The following LRRC41 variants were observed in gnomAD, a reference collection of about 807,000 sequenced individuals.
LRRC41 encodes leucine-rich repeat-containing protein 41.
A neutral mutation model predicts 72.1 loss-of-function variants in LRRC41; 17 were observed. The observed-to-expected ratio is 0.24, with a 90% CI of 0.16 to 0.35. The LOEUF (loss-of-function observed/expected upper bound fraction) is 0.35, where lower values mean the gene tolerates loss of function less well. Ranked by LOEUF, LRRC41 falls within the 10% of genes least tolerant of loss-of-function variation. The pLI is 1.00. For synonymous variants in LRRC41, 427 were observed against 431.0 expected, an observed-to-expected ratio of 0.99 and a Z score of 0.11; for missense variants, 759 against 1,065.0, an observed-to-expected ratio of 0.71 and a Z score of 4.00.
chr1:46,283,044 A>C (rs905050775), intron 4 of LRRC41, among the ~76,000 whole-genome samples: 1 of 151,980 alleles, frequency 6.6e-6, no homozygotes, highest in South Asian at 2.1e-4. Context: ...AAAAAAAGAT[A>C]CAACTATAGA....
At chr1:46,283,810 C>CAT (rs1347153356) in intron 4 of LRRC41, among the ~76,000 whole-genome samples, 1 of 151,462 alleles carries the variant, frequency 6.6e-6, no homozygotes, top group African/African-American at 2.4e-5. Context: ...GGATTACAGG[C>CAT]GCCCACCATC....
At position 46,302,795 on chromosome 1, in the gene LRRC41, C is replaced by A. The variant is rs1230626104; in HGVS notation, c.199+329G>T. On this transcript the variant is annotated intron_variant, in intron 1 of 9. Transcript: ENST00000617190. This position sits in a 1 kb window ranked among gnomAD's most constrained non-coding sequence, Gnocchi z 4.7. ...ACATCCGAGACTCTCCTGCCCGGCC[C>A]AGCCGAGTGTCAGTTCGCGCGGCCC... The A allele has an allele frequency of 9.1e-6, 9 of 985,224 alleles. No homozygotes were observed. In the African/African-American group the frequency reaches 1.6e-4, roughly 17 times the overall value. The allele number at this position is 985,224 out of a possible 1,614,324, so 61.0% of individuals were successfully genotyped here.
chr1:46,286,092 T>C lies in LRRC41; in HGVS notation c.765A>G (p.Gln255=), dbSNP rs1569643996. 1 of 1,611,758 alleles carries C rather than the reference T, an allele frequency of 6.2e-7. No homozygotes were observed. ...GGCAGGGTGGGCCACCAGGCCCTGG[T>C]TGCCAGAAGCCAGCACTCATGGTGA... ...LILTMSAGFW[Q]PGPGGPPCRL... Residue 255 remains glutamine, a synonymous_variant, in exon 4 of 10, where the codon CAA becomes CAG. Transcript: ENST00000617190. The surrounding 1 kb of genome is among the most constrained non-coding windows in gnomAD (Gnocchi z 5.5).
At chr1:46,298,241 T>G (rs552463724) in intron 2 of LRRC41, 43 bp downstream of exon 2, 3 of 1,349,148 alleles carry the variant, frequency 2.2e-6, no homozygotes, top group East Asian at 2.3e-5. Context: ...TATGGTGCCT[T>G]GCTCATAATC....
Position 46,302,858 on chromosome 1 carries a change from T to C in LRRC41, c.199+266A>G. Reference sequence around the variant, plus strand: ...CAGCCTCAGTCGCCCGGGCCCAGCCTGCTTCGCTCCAGACCGGGCCTCCTG... The same window carrying C: ...CAGCCTCAGTCGCCCGGGCCCAGCCCGCTTCGCTCCAGACCGGGCCTCCTG... On this transcript the variant is annotated intron_variant, in intron 1 of 9. Transcript: ENST00000617190. This position sits in a 1 kb window ranked among gnomAD's most constrained non-coding sequence, Gnocchi z 4.7. 6 of 984,900 alleles carry C rather than the reference T, an allele frequency of 6.1e-6. No individual in the cohort carries two copies. The highest frequency in any genetic ancestry group is 7.2e-6 in the Non-Finnish European group (6 of 829,774). 61.0% of individuals were successfully genotyped at this position (984,900 alleles called of 1,614,324 possible). A position where few individuals can be genotyped will look rare whatever the true frequency, so the allele number is the denominator to read the frequency against.
In LRRC41 at chr1:46,286,548, G is replaced by T; in HGVS notation, c.358-49C>A. 6.6e-7 allele frequency: 1 copy of T among 1,516,100 alleles called. No individual in the cohort carries two copies. Among genetic ancestry groups the T allele is most frequent in the Non-Finnish European group, 8.9e-7 (1 of 1,128,930 alleles). The allele number at this position is 1,516,100 out of a possible 1,614,324, so 93.9% of individuals were successfully genotyped here. On this transcript the variant is annotated intron_variant, in intron 3 of 9. Coordinates refer to ENST00000617190, the MANE Select transcript of LRRC41 (RefSeq NM_006369.5). This position sits in a 1 kb window ranked among gnomAD's most constrained non-coding sequence, Gnocchi z 5.5. ...ACAGCCATGATATATCCATGAAACT[G>T]TCCAAATTTCCCTCTCTTCCAATAG... is the stretch of plus-strand genomic sequence containing the variant.
Position 46,277,816 on chromosome 1 carries a change from G to T in LRRC41, c.*1049C>A. 6.2e-7 allele frequency: 1 copy of T among 1,605,120 alleles called. No homozygotes were observed. On this transcript the variant is annotated 3_prime_UTR_variant, in exon 10 of 10. Transcript: ENST00000617190. ...GACATTCCCCACCTCCTCTTCCCCA[G>T]GCAGGGACCATTGAGGAGAAGATCT...
chr1:46,298,377 AAATC>A lies in LRRC41; in HGVS notation c.200-11_200-8del, dbSNP rs1305930333. 1 of 1,591,020 alleles carries A rather than the reference AAATC, an allele frequency of 6.3e-7. No individual in the cohort carries two copies. Among genetic ancestry groups the A allele is most frequent in the South Asian group, 1.1e-5 (1 of 89,514 alleles). On this transcript the variant is annotated splice_polypyrimidine_tract_variant and splice_region_variant and intron_variant, in intron 1 of 9. Transcript: ENST00000617190. ...AGTATTGGGCCTGGGAGGGCTACAA[AAATC>A]AAAACAAAAGTTTACTTTTCCTCCC...
Position 46,302,133 on chromosome 1 carries a change from T to G in LRRC41, c.199+991A>C. The G allele has an allele frequency of 1.0e-6, 1 of 984,742 alleles. No homozygotes were observed. Among genetic ancestry groups the G allele is most frequent in the Non-Finnish European group, 1.2e-6 (1 of 829,738 alleles). 61.0% of individuals were successfully genotyped at this position (984,742 alleles called of 1,614,324 possible). A position where few individuals can be genotyped will look rare whatever the true frequency, so the allele number is the denominator to read the frequency against. On this transcript the variant is annotated intron_variant, in intron 1 of 9. Transcript: ENST00000617190. This position sits in a 1 kb window ranked among gnomAD's most constrained non-coding sequence, Gnocchi z 4.7. ...TTCATCCCGGCGCCCCAGGCCGCCC[T>G]CCATCCAGGCCCGGCCCTTTGGTCC...
At chr1:46,297,461 C>T in intron 3 of LRRC41, 102 bp downstream of exon 3, 1 of 913,836 alleles carries the variant, frequency 1.1e-6, no homozygotes, top group Admixed American at 2.0e-5. Flanking sequence ...TCCATTCCAT[C>T]ATTGCCTCTG....
intron 3 of LRRC41, among the ~76,000 whole-genome samples, chr1:46,287,794 C>T (rs1418468617): frequency 6.6e-6 from 1 of 152,216 alleles, no homozygotes; most frequent in Non-Finnish European, 1.5e-5. Flanking sequence ...GGTATGTTGT[C>T]TCATGGTGTT....
At chr1:46,284,725 G>C (rs1660848839) in intron 4 of LRRC41, among the ~76,000 whole-genome samples, 1 of 152,156 alleles carries the variant, frequency 6.6e-6, no homozygotes, top group Non-Finnish European at 1.5e-5. Context: ...CCTGAGAAGG[G>C]AAAAGGAGAG....
At chr1:46,288,806 C>T (rs1660938629) in intron 3 of LRRC41, among the ~76,000 whole-genome samples, 1 of 152,208 alleles carries the variant, frequency 6.6e-6, no homozygotes, top group South Asian at 2.1e-4. Context: ...AGCAGCAGGA[C>T]ATTAAGAGCA....
intron 3 of LRRC41, among the ~76,000 whole-genome samples, chr1:46,289,611 A>G (rs1660962880): frequency 6.6e-6 from 1 of 151,814 alleles, no homozygotes; most frequent in Non-Finnish European, 1.5e-5. Context: ...AATACAAAAA[A>G]TTCGCCGGGC....
chr1:46,300,331 C>T (rs1334501032), intron 1 of LRRC41: 1 of 152,098 alleles, frequency 6.6e-6, no homozygotes, highest in Non-Finnish European at 1.5e-5. Context: ...GACCCCATCT[C>T]AAAGAAAAAG....
Position 46,303,106 on chromosome 1 carries a change from C to T in LRRC41, c.199+18G>A, listed in dbSNP as rs745437644. 102 of 1,381,832 alleles carry T rather than the reference C, an allele frequency of 7.4e-5. No individual in the cohort carries two copies. Among genetic ancestry groups the T allele is most frequent in the Non-Finnish European group, 7.4e-5 (79 of 1,069,072 alleles). 85.6% of individuals were successfully genotyped at this position (1,381,832 alleles called of 1,614,324 possible). A position where few individuals can be genotyped will look rare whatever the true frequency, so the allele number is the denominator to read the frequency against. On this transcript the variant is annotated intron_variant, in intron 1 of 9. Coordinates refer to ENST00000617190, the MANE Select transcript of LRRC41 (RefSeq NM_006369.5). ...CCCTTGCTCTTAGCCAGAGGTAGCC[C>T]CTCACCCCGCGACTTACCCCACACC...
chr1:46,279,193 C>G lies in LRRC41; in HGVS notation c.2208G>C (p.Gln736His). Reference sequence around the variant, plus strand: ...CTCCCCTCATGTACCTGATGTCCAGCTGACAGAGAGAGGAGGATGAATCCT... The same window carrying G: ...CTCCCCTCATGTACCTGATGTCCAGGTGACAGAGAGAGGAGGATGAATCCT... The part of the protein sequence containing the change: ...FSEDSSSSLC[Q>H]LDISSNCIKP... The change falls in exon 9 of 10, where the codon CAG becomes CAC. Residue 736 changes from glutamine to histidine, a missense_variant. Gln to His is a conservative substitution (Grantham distance 24). This residue lies in a region of LRRC41 where 110 missense variants were observed against 227.0 expected (regional missense o/e 0.48). Transcript: ENST00000617190. The surrounding 1 kb of genome is among the most constrained non-coding windows in gnomAD (Gnocchi z 4.5). The G allele has an allele frequency of 1.9e-6, 3 of 1,614,148 alleles. No homozygotes were observed. The highest frequency in any genetic ancestry group is 2.5e-6 in the Non-Finnish European group (3 of 1,180,010).
At chr1:46,293,106 C>G (rs1333105726) in intron 3 of LRRC41, among the ~76,000 whole-genome samples, 1 of 151,792 alleles carries the variant, frequency 6.6e-6, no homozygotes, top group African/African-American at 2.4e-5. Context: ...ATCACTTGAA[C>G]CCGGGAGGCA....
chr1:46,283,896 C>T (rs939892064), intron 4 of LRRC41, among the ~76,000 whole-genome samples: 1 of 152,090 alleles, frequency 6.6e-6, no homozygotes, highest in Non-Finnish European at 1.5e-5. Context: ...GAACTCCTGA[C>T]CTCGTGATCC....
Sources: gnomAD v4.1 joint callset for allele counts (sites outside exome capture counted in the v4.1 genomes callset) on GRCh38, gnomAD v4.1.1 for gene constraint, gnomAD v4.1.1 regional missense constraint, Gnocchi (gnomAD v3.1) non-coding constraint, MANE v1.5 for transcripts, NCBI Gene and HGNC (gene_info 2026-07-23, HGNC 2026-07-21) for gene names.